XKR4: variants seen among roughly 807,000 people sequenced by gnomAD.
The protein encoded by XKR4 is XK related 4.
In XKR4, 12 loss-of-function variants were observed where a neutral mutation model predicts 53.9. That is an observed-to-expected ratio of 0.22 (90% CI 0.14 to 0.36). The LOEUF is 0.36. Ranked by LOEUF, XKR4 falls within the 10% of genes least tolerant of loss-of-function variation. XKR4 has a pLI of 1.00. For synonymous variants in XKR4, 354 were observed against 362.4 expected, an observed-to-expected ratio of 0.98 and a Z score of 0.26; for missense variants, 799 against 859.5, an observed-to-expected ratio of 0.93 and a Z score of 0.88.
intron 2 of XKR4, among the ~76,000 whole-genome samples, chr8:55,482,308 A>G: frequency 6.6e-6 from 1 of 152,066 alleles, no homozygotes; most frequent in Admixed American, 6.6e-5. Flanking sequence ...AAAAAACCAA[A>G]CACCGTATGT....
chr8:55,335,695 G>A (rs1803450062), intron 1 of XKR4, among the ~76,000 whole-genome samples: 1 of 151,984 alleles, frequency 6.6e-6, no homozygotes, highest in African/African-American at 2.4e-5. Flanking sequence ...AAGGGTGAGT[G>A]GATAAACAAA....
intron 2 of XKR4, chr8:55,453,362 A>G (rs1000412671): frequency 1.9e-5 from 9 of 463,914 alleles, no homozygotes; most frequent in Admixed American, 2.4e-5. Flanking sequence ...TTGCACATGC[A>G]GGTACAGTTC....
intron 1 of XKR4, among the ~76,000 whole-genome samples, chr8:55,278,049 A>C (rs1818788250): frequency 1.3e-5 from 2 of 152,284 alleles, no homozygotes; most frequent in South Asian, 4.2e-4. Flanking sequence ...CAAAGCATAC[A>C]TCCAGTCAGG....
At chr8:55,116,659 C>T (rs7813925) in intron 1 of XKR4, among the ~76,000 whole-genome samples, 119,405 of 152,142 alleles carry the variant, frequency 0.78, 47,166 homozygotes, top group East Asian at 0.93. Flanking sequence ...GGATGACCTT[C>T]CCAGAAATGC....
At chr8:55,152,826 C>T (rs1816856302) in intron 1 of XKR4, among the ~76,000 whole-genome samples, 1 of 152,192 alleles carries the variant, frequency 6.6e-6, no homozygotes, top group African/African-American at 2.4e-5. Flanking sequence ...AATTTAAGCT[C>T]ATCCCTTAAC....
chr8:55,166,774 T>G (rs1318993243), intron 1 of XKR4, among the ~76,000 whole-genome samples: 1 of 152,136 alleles, frequency 6.6e-6, no homozygotes, highest in Admixed American at 6.5e-5. Context: ...AAGGTCAATG[T>G]GTCTGGAGTG....
intron 2 of XKR4, among the ~76,000 whole-genome samples, chr8:55,435,752 G>T (rs928386902): frequency 6.6e-6 from 1 of 151,802 alleles, no homozygotes; most frequent in African/African-American, 2.4e-5. Flanking sequence ...AATTTTTATT[G>T]TGATAAGGTC....
Position 55,478,716 on chromosome 8 carries a change from A to C in XKR4, c.1007-44565A>C, listed in dbSNP as rs546309918. ...AAGGATGGAGGAAGATCTACCAAGC[A>C]AATGGAAAACAAAAAAAGGCAGGGG... On this transcript the variant is annotated intron_variant, in intron 2 of 2. Transcript: ENST00000327381. Among the ~76,000 whole-genome samples, 430 of 152,288 alleles carry C rather than the reference A, an allele frequency of 2.8e-3. 2 individuals carry two copies. The highest frequency in any genetic ancestry group is 0.027 in the Middle Eastern group (8 of 294).
At position 55,530,078 on chromosome 8, in the gene XKR4, C is replaced by T. The variant is rs1187289062; in HGVS notation, c.*5851C>T. On this transcript the variant is annotated 3_prime_UTR_variant, in exon 3 of 3. Coordinates refer to ENST00000327381, the MANE Select transcript of XKR4 (RefSeq NM_052898.2). ...AAAAAAAACTAAACCCCATTACTTA[C>T]TTTGGCATTTTGACAAGATAGAGAG... 1 of 149,818 alleles carries T rather than the reference C, an allele frequency of 6.7e-6. No individual in the cohort carries two copies. The highest frequency in any genetic ancestry group is 2.5e-5 in the African/African-American group (1 of 40,628). The allele number at this position is 149,818 out of a possible 1,614,324, so 9.3% of individuals were successfully genotyped here.
chr8:55,465,326 A>T (rs546310343), intron 2 of XKR4, among the ~76,000 whole-genome samples: 36 of 152,198 alleles, frequency 2.4e-4, no homozygotes, highest in Non-Finnish European at 4.9e-4. Flanking sequence ...CCCAGAAATA[A>T]TGCCGCATAT....
chr8:55,407,594 C>T (rs538343341), intron 2 of XKR4, among the ~76,000 whole-genome samples: 1 of 152,262 alleles, frequency 6.6e-6, no homozygotes. Context: ...ACATCGGCTC[C>T]ACCGGCTCCA....
At chr8:55,478,006 CCCAAT>C (rs1197116161) in intron 2 of XKR4, among the ~76,000 whole-genome samples, 1 of 152,044 alleles carries the variant, frequency 6.6e-6, no homozygotes, top group Non-Finnish European at 1.5e-5. Flanking sequence ...GGAGAACTTC[CCCAAT>C]CTAGCAAGGC....
At chr8:55,462,131 A>G (rs1230688055) in intron 2 of XKR4, among the ~76,000 whole-genome samples, 1 of 152,176 alleles carries the variant, frequency 6.6e-6, no homozygotes, top group Non-Finnish European at 1.5e-5. Flanking sequence ...GAATGTCACA[A>G]AGATACTCCT....
chr8:55,313,102 T>C (rs1231547233), intron 1 of XKR4, among the ~76,000 whole-genome samples: 1 of 152,212 alleles, frequency 6.6e-6, no homozygotes, highest in African/African-American at 2.4e-5. Flanking sequence ...TATAATTCCC[T>C]TGGTGGATAG....
chr8:55,479,402 G>C (rs531343449), intron 2 of XKR4, among the ~76,000 whole-genome samples: 1 of 152,098 alleles, frequency 6.6e-6, no homozygotes, highest in East Asian at 1.9e-4. Context: ...TCAAAGCAGT[G>C]TGTAGAGGGA....
chr8:55,438,512 C>T (rs2129394510), intron 2 of XKR4, among the ~76,000 whole-genome samples: 1 of 148,618 alleles, frequency 6.7e-6, no homozygotes, highest in Admixed American at 6.8e-5. Flanking sequence ...ATTGCTTCAA[C>T]CTGAGAGGTG....
chr8:55,394,596 G>A (rs1253072901), intron 2 of XKR4, among the ~76,000 whole-genome samples: 2 of 152,116 alleles, frequency 1.3e-5, no homozygotes, highest in Non-Finnish European at 2.9e-5. Flanking sequence ...TACTGGCATG[G>A]CGAAATATCT....
At chr8:55,508,804 T>A (rs748553373) in intron 2 of XKR4, among the ~76,000 whole-genome samples, 32 of 152,180 alleles carry the variant, frequency 2.1e-4, no homozygotes, top group Non-Finnish European at 4.1e-4. Context: ...AGTGTGAAAA[T>A]GAATGGAGTC....
At chr8:55,266,886 G>A (rs1818611393) in intron 1 of XKR4, among the ~76,000 whole-genome samples, 1 of 152,140 alleles carries the variant, frequency 6.6e-6, no homozygotes, top group African/African-American at 2.4e-5. Context: ...CATGCCTGTG[G>A]GATAGAGTGC....
Sources: gnomAD v4.1 joint callset for allele counts (sites outside exome capture counted in the v4.1 genomes callset) on GRCh38, gnomAD v4.1.1 for gene constraint, MANE v1.5 for transcripts, NCBI Gene and HGNC (gene_info 2026-07-23, HGNC 2026-07-21) for gene names.